MSX2: variants seen among roughly 807,000 people sequenced by gnomAD.
MSX2 encodes homeobox protein MSX-2.
A neutral mutation model predicts 18.4 loss-of-function variants in MSX2; 10 were observed. The observed-to-expected ratio is 0.54, with a 90% confidence interval of 0.34 to 0.92. The LOEUF is 0.92. Among genes scored for constraint, MSX2 ranks in the 40% least tolerant of loss-of-function variants. The pLI is 0.02. For missense variants in MSX2, 339 were observed against 364.0 expected, an observed-to-expected ratio of 0.93 and a Z score of 0.56; for synonymous variants, 170 against 165.6, an observed-to-expected ratio of 1.03 and a Z score of -0.20.
intron 1 of MSX2, 102 bp from the exon 2 acceptor site, chr5:174,729,057 G>A (rs1223613896): frequency 5.6e-6 from 7 of 1,248,558 alleles, no homozygotes; most frequent in Non-Finnish European, 7.9e-6. Flanking sequence ...GGGGAGGCCC[G>A]AAAGGAAAAA....
rs998861895 is a variant in MSX2 at position 174,724,948 on chromosome 5, A to G, written c.289A>G (p.Lys97Glu). The change falls in exon 1 of 2, where the codon AAG becomes GAG. Residue 97 changes from lysine (K) to glutamate (E), a missense_variant. Coordinates refer to ENST00000239243, the MANE Select transcript of MSX2 (RefSeq NM_002449.5). The stretch of plus-strand genomic sequence containing the variant: ...AGCGCACAGCCCCGGGCCGCTGGTG[A>G]AGCCCTTCGAGACCGCCTCGGTCAA... ...REAHSPGPLV[K>E]PFETASVKSE... The G allele has an allele frequency of 1.9e-6, 3 of 1,595,044 alleles. No homozygotes were observed. The highest frequency in any genetic ancestry group is 2.7e-5 in the African/African-American group (2 of 74,998).
chr5:174,725,075 G>C, intron 1 of MSX2, 37 bp downstream of exon 1: 1 of 1,605,336 alleles, frequency 6.2e-7, no homozygotes, highest in Non-Finnish European at 8.5e-7. Flanking sequence ...GAGGTAGCGC[G>C]GGGTACTGGA....
At chr5:174,728,086 A>G (rs1581519199) in intron 1 of MSX2, among the ~76,000 whole-genome samples, 1 of 152,214 alleles carries the variant, frequency 6.6e-6, no homozygotes. Flanking sequence ...AGGATGTCCC[A>G]GTCCGTGATT....
Position 174,729,508 on chromosome 5 carries a change from T to C in MSX2, c.729T>C (p.His243=). The change falls in exon 2 of 2, where the codon CAT becomes CAC. Residue 243 remains histidine, a synonymous_variant. Transcript: ENST00000239243. ...ASIYGASYPF[H]RPVLPIPPVG... ...TATATGGAGCATCCTACCCGTTCCA[T>C]AGACCTGTGCTTCCCATCCCGCCTG... 3 of 1,613,944 alleles carry C rather than the reference T, an allele frequency of 1.9e-6. No individual in the cohort carries two copies. The highest frequency in any genetic ancestry group is 2.5e-6 in the Non-Finnish European group (3 of 1,179,874).
chr5:174,729,141 C>T lies in MSX2; in HGVS notation c.380-18C>T, dbSNP rs200429446. 136 of 1,612,054 alleles carry T rather than the reference C, an allele frequency of 8.4e-5. No individual in the cohort carries two copies. Among genetic ancestry groups the T allele is most frequent in the Non-Finnish European group, 6.1e-5 (72 of 1,178,426 alleles). ...TGTAACTTTCTTTTGCTAATCCGCT[C>T]CTCTCTCTGTTCTCTAGGACATATG... is the stretch of plus-strand genomic sequence containing the variant. On this transcript the variant is annotated intron_variant, in intron 1 of 1. Coordinates refer to ENST00000239243, the MANE Select transcript of MSX2 (RefSeq NM_002449.5).
Position 174,724,745 on chromosome 5 carries a change from G to T in MSX2, c.86G>T (p.Gly29Val). 6.4e-7 allele frequency: 1 copy of T among 1,573,346 alleles called. No homozygotes were observed. The highest frequency in any genetic ancestry group is 2.3e-5 in the East Asian group (1 of 42,850). ...GTGGCCGGACCAGGCCCGGGGCCTGGGGGCGCCGAGGGGGCCGCGGAGGAG... is the reference window on the plus strand; with the variant it reads ...GTGGCCGGACCAGGCCCGGGGCCTGTGGGCGCCGAGGGGGCCGCGGAGGAG... The part of the protein sequence containing the change: ...AVVAGPGPGP[G>V]GAEGAAEERR... Residue 29 changes from glycine (G) to valine (V), a missense_variant, in exon 1 of 2, where the codon GGG becomes GTG. Around this residue, in one of 2 missense-constraint regions of MSX2, gnomAD observed 211 missense variants for 185.4 expected, o/e 1.14. Transcript: ENST00000239243.
chr5:174,724,719 G>T lies in MSX2; in HGVS notation c.60G>T (p.Val20=). 1 of 1,593,598 alleles carries T rather than the reference G, an allele frequency of 6.3e-7. No individual in the cohort carries two copies. The highest frequency in any genetic ancestry group is 8.5e-7 in the Non-Finnish European group (1 of 1,170,924). ...CGCCCGACGAGGAGGGCCCAGCAGT[G>T]GTGGCCGGACCAGGCCCGGGGCCTG... ...LFSPDEEGPA[V]VAGPGPGPGG... is the part of the protein sequence containing the mutation. Residue 20 remains valine (V), a synonymous_variant, in exon 1 of 2, where the codon GTG becomes GTT. Coordinates refer to ENST00000239243, the MANE Select transcript of MSX2 (RefSeq NM_002449.5).
intron 1 of MSX2, among the ~76,000 whole-genome samples, chr5:174,725,263 T>C (rs549081617): frequency 2.3e-3 from 346 of 151,974 alleles, no homozygotes; most frequent in Non-Finnish European, 3.9e-3. Context: ...TGTGTGTGTC[T>C]GAGACTCCCT....
At position 174,724,976 on chromosome 5, in the gene MSX2, C is replaced by T. The variant is rs765421666; in HGVS notation, c.317C>T (p.Ser106Leu). 11 of 1,608,308 alleles carry T rather than the reference C, an allele frequency of 6.8e-6. No individual in the cohort carries two copies. The highest frequency in any genetic ancestry group is 2.7e-5 in the African/African-American group (2 of 74,934). The change falls in exon 1 of 2, where the codon TCG becomes TTG. Residue 106 changes from serine (S) to leucine (L), a missense_variant. Coordinates refer to ENST00000239243, the MANE Select transcript of MSX2 (RefSeq NM_002449.5). ...CCCTTCGAGACCGCCTCGGTCAAGT[C>T]GGAAAATTCAGAAGATGGAGCGGCG... is the stretch of plus-strand genomic sequence containing the variant. ...VKPFETASVK[S>L]ENSEDGAAWM... is the part of the protein sequence containing the mutation.
In MSX2 at chr5:174,724,652, G is replaced by A. The variant is rs1480589701; in HGVS notation, c.-8G>A. 3.2e-6 allele frequency: 5 copies of A among 1,584,912 alleles called. No homozygotes were observed. Among genetic ancestry groups the A allele is most frequent in the African/African-American group, 1.3e-5 (1 of 74,424 alleles). On this transcript the variant is annotated 5_prime_UTR_variant, in exon 1 of 2. Transcript: ENST00000239243. ...CGCGCGTCGGGAGCTACGTAGGGCA[G>A]AGAAGTCATGGCTTCTCCGTCCAAA...
Position 174,729,749 on chromosome 5 carries a change from G to A in MSX2, c.*166G>A. 1.5e-6 allele frequency: 1 copy of A among 663,424 alleles called. No homozygotes were observed. The highest frequency in any genetic ancestry group is 2.6e-6 in the Non-Finnish European group (1 of 382,276). 41.1% of individuals were successfully genotyped at this position (663,424 alleles called of 1,614,324 possible). ...ACACGACATAGCTGAAATTTGTTCT[G>A]TAGGCGGAGGCACCAAGCCCTGTTT... On this transcript the variant is annotated 3_prime_UTR_variant, in exon 2 of 2. Coordinates refer to ENST00000239243, the MANE Select transcript of MSX2 (RefSeq NM_002449.5).
chr5:174,726,690 C>T (rs1232836741), intron 1 of MSX2, among the ~76,000 whole-genome samples: 1 of 151,730 alleles, frequency 6.6e-6, no homozygotes, highest in Non-Finnish European at 1.5e-5. Context: ...CTGTGGACCA[C>T]ATTGAGGGAT....
intron 1 of MSX2, among the ~76,000 whole-genome samples, chr5:174,728,026 C>A (rs772233107): frequency 8.5e-5 from 13 of 152,162 alleles, no homozygotes; most frequent in Non-Finnish European, 1.6e-4. Context: ...CTCCGCCCAC[C>A]CACCCTTGAG....
intron 1 of MSX2, 39 bp downstream of exon 1, chr5:174,725,077 GGTACT>G: frequency 6.2e-7 from 1 of 1,604,400 alleles, no homozygotes. Context: ...GGTAGCGCGG[GGTACT>G]GGAGGGAGCG....
Position 174,730,488 on chromosome 5 carries a change from TG to T in MSX2, c.*910del, listed in dbSNP as rs1349292447. On this transcript the variant is annotated 3_prime_UTR_variant, in exon 2 of 2. Coordinates refer to ENST00000239243, the MANE Select transcript of MSX2 (RefSeq NM_002449.5). ...TCACAGATTGCAAAGGTGATTTGGG[TG>T]GGGGTTTAGTAATTTTCTGCTTAAA... 3.3e-5 allele frequency: 5 copies of T among 152,412 alleles called. No individual in the cohort carries two copies. The highest frequency in any genetic ancestry group is 1.3e-4 in the Admixed American group (2 of 15,262). The allele number at this position is 152,412 out of a possible 1,614,324, so 9.4% of individuals were successfully genotyped here.
At position 174,729,128 on chromosome 5, in the gene MSX2, T is replaced by C. The variant is rs757744276; in HGVS notation, c.380-31T>C. 9 of 1,607,392 alleles carry C rather than the reference T, an allele frequency of 5.6e-6. No individual in the cohort carries two copies. In the Admixed American group the frequency reaches 1.5e-4, roughly 27 times the overall value. On this transcript the variant is annotated intron_variant, in intron 1 of 1. Coordinates refer to ENST00000239243, the MANE Select transcript of MSX2 (RefSeq NM_002449.5). ...AGTATTATTTTAATGTAACTTTCTT[T>C]TGCTAATCCGCTCCTCTCTCTGTTC...
rs1760881974 is a variant in MSX2, at chr5:174,729,572, C to T, written c.793C>T (p.His265Tyr). The T allele has an allele frequency of 1.2e-6, 2 of 1,610,966 alleles. No individual in the cohort carries two copies. The highest frequency in any genetic ancestry group is 1.7e-6 in the Non-Finnish European group (2 of 1,179,842). The change falls in exon 2 of 2, where the codon CAC (histidine) becomes TAC (tyrosine). Residue 265 changes from histidine (H) to tyrosine (Y), a missense_variant. Coordinates refer to ENST00000239243, the MANE Select transcript of MSX2 (RefSeq NM_002449.5). ...YATPVGYGMY[H>Y]LS ...CACGCCAGTGGGATATGGCATGTAC[C>T]ACCTGTCCTAAGGAAGACCAGATCA...
In MSX2 at chr5:174,725,208, A is replaced by G. The variant is rs566074624; in HGVS notation, c.379+170A>G. The G allele has an allele frequency of 5.0e-4, 535 of 1,073,234 alleles. 7 individuals carry two copies. The South Asian group carries it at 8.3e-3, about 17-fold the overall frequency. 66.5% of individuals were successfully genotyped at this position (1,073,234 alleles called of 1,614,324 possible). ...GGTGCCCGGGGCGTTCGGCGCGCCCAGTGCGCCGTCCGCATCCAAGACACC... is the reference window on the plus strand; with the variant it reads ...GGTGCCCGGGGCGTTCGGCGCGCCCGGTGCGCCGTCCGCATCCAAGACACC... On this transcript the variant is annotated intron_variant, in intron 1 of 1. Transcript: ENST00000239243.
At chr5:174,725,490 T>A (rs1760771405) in intron 1 of MSX2, among the ~76,000 whole-genome samples, 1 of 152,204 alleles carries the variant, frequency 6.6e-6, no homozygotes, top group Non-Finnish European at 1.5e-5. Context: ...AACTCAACCC[T>A]GAGAGTTGTG....
Sources: gnomAD v4.1 joint callset for allele counts (sites outside exome capture counted in the v4.1 genomes callset) on GRCh38, gnomAD v4.1.1 for gene constraint, gnomAD v4.1.1 regional missense constraint, MANE v1.5 for transcripts, NCBI Gene and HGNC (gene_info 2026-07-23, HGNC 2026-07-21) for gene names.